Variants in CYP19A1 observed in about 807,000 individuals in gnomAD.
CYP19A1 encodes the protein aromatase.
In CYP19A1, 32 loss-of-function variants were observed where a neutral mutation model predicts 44.4. The observed-to-expected ratio is 0.72, with a 90% CI of 0.54 to 0.97. The LOEUF (loss-of-function observed/expected upper bound fraction) is 0.97, where lower values mean the gene tolerates loss of function less well. Ranked by LOEUF, CYP19A1 falls within the 50% of genes least tolerant of loss-of-function variation. CYP19A1 has a pLI of 0.00. For missense variants in CYP19A1, 598 were observed against 637.8 expected, an observed-to-expected ratio of 0.94 and a Z score of 0.67; for synonymous variants, 212 against 215.6, an observed-to-expected ratio of 0.98 and a Z score of 0.14.
chr15:51,294,936 A>G (rs1385006997), intron 1 of CYP19A1, among the ~76,000 whole-genome samples: 5 of 151,858 alleles, frequency 3.3e-5, no homozygotes, highest in Middle Eastern at 3.4e-3. Context: ...TCTGTGTAGA[A>G]AGAGGTAGAC....
intron 1 of CYP19A1, among the ~76,000 whole-genome samples, chr15:51,247,718 G>T (rs549345474): frequency 6.6e-6 from 1 of 152,000 alleles, no homozygotes; most frequent in Admixed American, 6.6e-5. Flanking sequence ...CAAGTGATCC[G>T]AGTCCTAACC....
chr15:51,332,264 C>T (rs559332758), intron 1 of CYP19A1, among the ~76,000 whole-genome samples: 77 of 152,222 alleles, frequency 5.1e-4, no homozygotes, highest in South Asian at 8.3e-4. Context: ...ATTATACCAA[C>T]ATAAGAGTCC....
chr15:51,220,910 G>C (rs1289814540), intron 5 of CYP19A1, among the ~76,000 whole-genome samples: 1 of 150,554 alleles, frequency 6.6e-6, no homozygotes, highest in Non-Finnish European at 1.5e-5. Flanking sequence ...CCATCCTCTG[G>C]TAACCACCAA....
intron 1 of CYP19A1, among the ~76,000 whole-genome samples, chr15:51,331,152 G>A (rs1273781632): frequency 5.3e-5 from 8 of 151,954 alleles, no homozygotes; most frequent in East Asian, 1.9e-4. Flanking sequence ...AGATCAAAAC[G>A]TCAGCTTTAT....
In CYP19A1 at chr15:51,214,885, A is replaced by G. The variant is rs551182732; in HGVS notation, c.1021+185T>C. On this transcript the variant is annotated intron_variant, in intron 8 of 9. Coordinates refer to ENST00000396402, the MANE Select transcript of CYP19A1 (RefSeq NM_000103.4). ...TGAGCATGCATCATTTTTATGATTAAGAACACAGAAAGAGCTATCTTTTCC... is the reference window on the plus strand; with the variant it reads ...TGAGCATGCATCATTTTTATGATTAGGAACACAGAAAGAGCTATCTTTTCC... 2.7e-5 allele frequency: 26 copies of G among 956,134 alleles called. No individual in the cohort carries two copies. In the South Asian group the frequency reaches 4.6e-4, roughly 17 times the overall value. The allele number at this position is 956,134 out of a possible 1,614,324, so 59.2% of individuals were successfully genotyped here. A position where few individuals can be genotyped will look rare whatever the true frequency, so the allele number is the denominator to read the frequency against.
In CYP19A1 at chr15:51,242,877, G is replaced by C. The variant is rs759093146; in HGVS notation, c.36C>G (p.Asn12Lys). 35 of 1,609,376 alleles carry C rather than the reference G, an allele frequency of 2.2e-5. No individual in the cohort carries two copies. In the South Asian group the frequency reaches 3.7e-4, roughly 17 times the overall value. ...VLEMLNPIHY[N>K]ITSIVPEAMP... Reference sequence around the variant, plus strand: ...TGGCTTCAGGCACGATGCTGGTGATGTTATAATGTATCGGGTTCAGCATTT... The same window carrying C: ...TGGCTTCAGGCACGATGCTGGTGATCTTATAATGTATCGGGTTCAGCATTT... Residue 12 changes from asparagine to lysine, a missense_variant, in exon 2 of 10, where the codon AAC becomes AAG. Coordinates refer to ENST00000396402, the MANE Select transcript of CYP19A1 (RefSeq NM_000103.4).
rs1429799345 is a variant in CYP19A1, at chr15:51,208,697, T to G, written c.*2111A>C. ...TAATTTGATTCTGGGAGAGTTTGCT[T>G]GGATCGTTCAAACCAACACTTCTCC... On this transcript the variant is annotated 3_prime_UTR_variant, in exon 10 of 10. Transcript: ENST00000396402. 1 of 151,990 alleles carries G rather than the reference T, an allele frequency of 6.6e-6. No individual in the cohort carries two copies. The highest frequency in any genetic ancestry group is 1.9e-4 in the East Asian group (1 of 5,182). The allele number at this position is 151,990 out of a possible 1,614,324, so 9.4% of individuals were successfully genotyped here.
At chr15:51,263,880 T>C (rs746349104) in intron 1 of CYP19A1, among the ~76,000 whole-genome samples, 3 of 152,202 alleles carry the variant, frequency 2.0e-5, no homozygotes, top group Non-Finnish European at 1.5e-5. Context: ...CAGCTGAGTT[T>C]GGAGAGCATG....
chr15:51,215,360 T>C, intron 7 of CYP19A1, 128 bp from the exon 8 acceptor site: 1 of 1,418,888 alleles, frequency 7.0e-7, no homozygotes, highest in Admixed American at 1.8e-5. Context: ...TCTCTGTGAT[T>C]GACTGTGGAC....
chr15:51,338,166 G>C (rs2036807549), intron 1 of CYP19A1, among the ~76,000 whole-genome samples: 1 of 152,160 alleles, frequency 6.6e-6, no homozygotes, highest in South Asian at 2.1e-4. Flanking sequence ...AAATGGGGAG[G>C]CTGGTTCAGG....
intron 1 of CYP19A1, among the ~76,000 whole-genome samples, chr15:51,253,965 A>G (rs2034421070): frequency 6.6e-6 from 1 of 152,174 alleles, no homozygotes; most frequent in African/African-American, 2.4e-5. Flanking sequence ...AGGAGTGCAT[A>G]AAGCAGTTGG....
rs774007712 is a variant in CYP19A1, at chr15:51,212,470, G to A, written c.1113C>T (p.Asp371=). 15 of 1,607,550 alleles carry A rather than the reference G, an allele frequency of 9.3e-6. No individual in the cohort carries two copies. The Admixed American group carries it at 2.0e-4, about 21-fold the overall frequency. ...YESMRYQPVV[D]LVMRKALEDD... ...CTTCTAAGGCTTTGCGCATGACCAA[G>A]TCCACGACAGGCTGGTACCGCATGC... is the stretch of plus-strand genomic sequence containing the variant. Residue 371 remains aspartate (D), a synonymous_variant, in exon 9 of 10, where the codon GAC becomes GAT. Transcript: ENST00000396402.
chr15:51,230,587 G>T (rs2032946239), intron 3 of CYP19A1, among the ~76,000 whole-genome samples: 1 of 151,854 alleles, frequency 6.6e-6, no homozygotes, highest in South Asian at 2.1e-4. Flanking sequence ...ACAGTGATGA[G>T]GAGGCAATTA....
chr15:51,248,762 G>A (rs976012820), intron 1 of CYP19A1, among the ~76,000 whole-genome samples: 1 of 151,988 alleles, frequency 6.6e-6, no homozygotes, highest in Admixed American at 6.6e-5. Context: ...AGCTTTGTCC[G>A]GCTTTTATTC....
At chr15:51,325,010 A>G (rs1484745590) in intron 1 of CYP19A1, among the ~76,000 whole-genome samples, 1 of 152,186 alleles carries the variant, frequency 6.6e-6, no homozygotes, top group Non-Finnish European at 1.5e-5. Context: ...AGGGAACAAA[A>G]TACCAGTTAC....
At chr15:51,211,979 T>C (rs1270443176) in intron 9 of CYP19A1, among the ~76,000 whole-genome samples, 2 of 152,188 alleles carry the variant, frequency 1.3e-5, no homozygotes, top group African/African-American at 4.8e-5. Context: ...CTGAATGTGA[T>C]GACATGATGA....
intron 1 of CYP19A1, among the ~76,000 whole-genome samples, chr15:51,319,902 A>G (rs1020497153): frequency 1.3e-5 from 2 of 152,240 alleles, no homozygotes; most frequent in Non-Finnish European, 2.9e-5. Context: ...AATGGAAATT[A>G]TAATAATGCC....
At chr15:51,215,566 T>A in intron 7 of CYP19A1, 137 bp downstream of exon 7, 6 of 1,540,510 alleles carry the variant, frequency 3.9e-6, no homozygotes, top group Non-Finnish European at 5.2e-6. Context: ...GTGGGCTATT[T>A]GGATTGGGAT....
intron 3 of CYP19A1, among the ~76,000 whole-genome samples, chr15:51,230,561 C>A (rs1453844602): frequency 1.3e-5 from 2 of 151,382 alleles, no homozygotes; most frequent in Non-Finnish European, 2.9e-5. Context: ...AATTCACACA[C>A]TTGTGGGCAG....
Sources: gnomAD v4.1 joint callset for allele counts (sites outside exome capture counted in the v4.1 genomes callset) on GRCh38, gnomAD v4.1.1 for gene constraint, MANE v1.5 for transcripts, NCBI Gene and HGNC (gene_info 2026-07-23, HGNC 2026-07-21) for gene names.